Variants in ERI1 observed in about 807,000 individuals in gnomAD.
ERI1 encodes the protein exoribonuclease 1, also known as 3'-5' exoribonuclease 1.
ERI1 carries 39 observed loss-of-function variants against 39.7 expected under a neutral mutation model. The observed-to-expected ratio is 0.98, with a 90% CI of 0.76 to 1.28. The LOEUF (loss-of-function observed/expected upper bound fraction) is 1.28, where lower values mean the gene tolerates loss of function less well. Among genes scored for constraint, ERI1 ranks in the 50% most tolerant of loss-of-function variants. ERI1 has a pLI of 0.00. For synonymous variants in ERI1, 204 were observed against 149.6 expected (o/e 1.36, Z -2.65); for missense variants, 581 against 416.9 (o/e 1.39, Z -3.43).
chr8:9,078,820 T>A (rs1339000816), intron 3 of ERI1, among the ~76,000 whole-genome samples: 2 of 152,234 alleles, frequency 1.3e-5, no homozygotes, highest in Non-Finnish European at 2.9e-5. Flanking sequence ...TTATCTTTTT[T>A]CTCTTCTTTT....
intron 3 of ERI1, chr8:9,091,335 AC>A (rs1157950487): frequency 1.3e-5 from 2 of 152,228 alleles, no homozygotes; most frequent in Non-Finnish European, 2.9e-5. Context: ...AGCCTGGACA[AC>A]ATGGTGAAAC....
chr8:9,029,192 C>G (rs1797409655), intron 6 of ERI1, among the ~76,000 whole-genome samples: 1 of 152,032 alleles, frequency 6.6e-6, no homozygotes, highest in Admixed American at 6.5e-5. Flanking sequence ...AAAGGTAGAT[C>G]TTCAACTTAC....
At chr8:9,071,887 G>A (rs1429583666) in intron 3 of ERI1, among the ~76,000 whole-genome samples, 2 of 152,198 alleles carry the variant, frequency 1.3e-5, no homozygotes, top group Admixed American at 6.5e-5. Context: ...GCAACATAGT[G>A]AGACCTCGTC....
intron 1 of ERI1, among the ~76,000 whole-genome samples, chr8:9,005,261 C>T (rs1477353514): frequency 6.6e-6 from 1 of 152,034 alleles, no homozygotes; most frequent in Non-Finnish European, 1.5e-5. Context: ...AGAATAATAG[C>T]ATTTCCAGAA....
chr8:9,087,971 T>G (rs1799583219), intron 3 of ERI1, among the ~76,000 whole-genome samples: 1 of 152,202 alleles, frequency 6.6e-6, no homozygotes, highest in Non-Finnish European at 1.5e-5. Context: ...GTCCAGTTGA[T>G]CATCACATTC....
At position 9,018,387 on chromosome 8, in the gene ERI1, TACTC is replaced by T. The variant is rs1817526777; in HGVS notation, c.677_680del (p.Ser226PhefsTer2). ...GAAGGAATTAGGAACAAAGTATAAA[TACTC>T]ACTTTTAACAGATGGGTAAGTATTT... On this transcript the variant is annotated frameshift_variant, in exon 5 of 7. Coordinates refer to ENST00000250263, the MANE Select transcript of ERI1 (RefSeq NM_153332.4). LOFTEE classifies it high-confidence loss of function. The T allele has an allele frequency of 6.3e-7, 1 of 1,585,176 alleles. No homozygotes were observed. Among genetic ancestry groups the T allele is most frequent in the Non-Finnish European group, 8.7e-7 (1 of 1,154,502 alleles).
intron 3 of ERI1, among the ~76,000 whole-genome samples, chr8:9,066,971 G>A (rs370565402): frequency 9.9e-5 from 15 of 152,282 alleles, no homozygotes; most frequent in African/African-American, 2.9e-4. Flanking sequence ...GGGAATAAAC[G>A]CCCATGAACT....
chr8:9,009,705 A>C (rs1287085105), intron 2 of ERI1, among the ~76,000 whole-genome samples: 1 of 151,890 alleles, frequency 6.6e-6, no homozygotes, highest in Non-Finnish European at 1.5e-5. Context: ...ATGCCTGGCT[A>C]ATTTTTGTAT....
At chr8:9,095,240 T>C (rs1013318117) in intron 3 of ERI1, among the ~76,000 whole-genome samples, 4 of 152,180 alleles carry the variant, frequency 2.6e-5, no homozygotes, top group African/African-American at 9.7e-5. Context: ...GTTTGTTACA[T>C]GGGTGTATTG....
Position 9,051,351 on chromosome 8 carries a change from G to C in ERI1, n.299+30887G>C, listed in dbSNP as rs569927635. ...AACTGCTAACATGCTCAAATTGGAGGTGTTTTTAAGAAGCATGACTAAGGG... is the reference window on the plus strand; with the variant it reads ...AACTGCTAACATGCTCAAATTGGAGCTGTTTTTAAGAAGCATGACTAAGGG... On this transcript the variant is annotated intron_variant and non_coding_transcript_variant, in intron 3 of 3. Transcript: ENST00000518663. Among the ~76,000 whole-genome samples, 40 of 151,962 alleles carry C rather than the reference G, an allele frequency of 2.6e-4. No individual in the cohort carries two copies. In the Middle Eastern group the frequency reaches 0.024, roughly 90 times the overall value.
intron 6 of ERI1, among the ~76,000 whole-genome samples, chr8:9,027,329 A>G (rs1179659097): frequency 6.6e-6 from 1 of 152,064 alleles, no homozygotes; most frequent in African/African-American, 2.4e-5. Flanking sequence ...TTCTTTCCTC[A>G]TTTACTAAAT....
At chr8:9,080,789 G>A (rs1409702542) in intron 3 of ERI1, among the ~76,000 whole-genome samples, 1 of 152,156 alleles carries the variant, frequency 6.6e-6, no homozygotes. Context: ...CAAGCATTTA[G>A]TGCAGATATC....
rs966757781 is a variant in ERI1 at position 9,003,031 on chromosome 8, C to G, written c.-33C>G. ...AGAGTGAGAGTTAGCAAGTGTCCGG[C>G]TCCAGCAACTCTCCTCTGGCGTGAC... On this transcript the variant is annotated 5_prime_UTR_variant, in exon 1 of 7. Transcript: ENST00000250263. The G allele has an allele frequency of 2.0e-5, 24 of 1,205,230 alleles. No individual in the cohort carries two copies. The East Asian group carries it at 5.1e-4, about 25-fold the overall frequency. The allele number at this position is 1,205,230 out of a possible 1,614,324, so 74.7% of individuals were successfully genotyped here.
chr8:9,015,714 T>G (rs1413692067), intron 3 of ERI1, among the ~76,000 whole-genome samples: 1 of 69,626 alleles, frequency 1.4e-5, no homozygotes, highest in Non-Finnish European at 2.8e-5. Context: ...AGAGCGAGAC[T>G]CTGTCTCCAA....
At chr8:9,048,002 T>C (rs1195220011) in intron 3 of ERI1, among the ~76,000 whole-genome samples, 1 of 152,226 alleles carries the variant, frequency 6.6e-6, no homozygotes, top group East Asian at 1.9e-4. Flanking sequence ...TCAACTCTCT[T>C]GTCCAAGGCC....
rs550135254 is a variant in ERI1 at position 9,090,681 on chromosome 8, T to G, written n.300-25667T>G. On this transcript the variant is annotated intron_variant and non_coding_transcript_variant, in intron 3 of 3. Transcript: ENST00000518663. ...GGGTCCTCCTCTATAGATAAAACTA[T>G]GTCCTCAGTTATAGATTGTGCTTTA... Among the ~76,000 whole-genome samples, 120 of 152,320 alleles carry G rather than the reference T, an allele frequency of 7.9e-4. 2 individuals carry two copies. Among genetic ancestry groups the G allele is most frequent in the Admixed American group, 1.6e-3 (24 of 15,300 alleles).
At position 9,031,314 on chromosome 8, in the gene ERI1, C is replaced by G. The variant is rs532510946; in HGVS notation, c.*1280C>G. 6.6e-6 allele frequency: 1 copy of G among 152,158 alleles called. No homozygotes were observed. The allele number at this position is 152,158 out of a possible 1,614,324, so 9.4% of individuals were successfully genotyped here. A position where few individuals can be genotyped will look rare whatever the true frequency, so the allele number is the denominator to read the frequency against. On this transcript the variant is annotated 3_prime_UTR_variant, in exon 7 of 7. Transcript: ENST00000250263. ...TTTTTCTTGGCGTGGGAATTCTCTA[C>G]ATAGGGCAGTAGATTTCTTAAGCCA...
At position 9,014,733 on chromosome 8, in the gene ERI1, A is replaced by T. The variant is rs28405982; in HGVS notation, c.499-1589A>T. On this transcript the variant is annotated intron_variant, in intron 3 of 6. Coordinates refer to ENST00000250263, the MANE Select transcript of ERI1 (RefSeq NM_153332.4). ...TAGAATGATAAAATAGTGATACTTA[A>T]AAGGATATAGACTTAATTTATCTGT... Among the ~76,000 whole-genome samples, 1,210 of 152,354 alleles carry T rather than the reference A, an allele frequency of 7.9e-3. 16 individuals carry two copies. Among genetic ancestry groups the T allele is most frequent in the African/African-American group, 0.028 (1,163 of 41,578 alleles).
intron 3 of ERI1, chr8:9,072,445 T>G (rs111764282): frequency 1.7e-4 from 26 of 152,228 alleles, no homozygotes; most frequent in African/African-American, 5.3e-4. Context: ...TTTCTTTCTG[T>G]TTTTTACTGT....
Sources: gnomAD v4.1 joint callset for allele counts (sites outside exome capture counted in the v4.1 genomes callset) on GRCh38, gnomAD v4.1.1 for gene constraint, MANE v1.5 for transcripts, NCBI Gene and HGNC (gene_info 2026-07-23, HGNC 2026-07-21) for gene names.